The following TUBGCP3 variants were observed in gnomAD, a reference collection of about 807,000 sequenced individuals.
The protein encoded by TUBGCP3 is gamma-tubulin complex component 3.
In TUBGCP3, 50 loss-of-function variants were observed where a neutral mutation model predicts 123.1. That is an observed-to-expected ratio of 0.41 (90% CI 0.32 to 0.51). TUBGCP3 has a LOEUF of 0.51. TUBGCP3 is among the 20% of genes least tolerant of loss of function. TUBGCP3 has a pLI of 0.36. For synonymous variants in TUBGCP3, 405 were observed against 413.9 expected (o/e 0.98, Z 0.26); for missense variants, 882 against 1,127.0 (o/e 0.78, Z 3.11).
At chr13:112,535,807 G>C (rs6577089) in intron 11 of TUBGCP3, among the ~76,000 whole-genome samples, 66,662 of 152,042 alleles carry the variant, frequency 0.44, 18,850 homozygotes, top group African/African-American at 0.81. Context: ...TCTCACTGCT[G>C]GTGCTTTTGA....
chr13:112,532,599 G>A (rs1015908426), intron 11 of TUBGCP3, among the ~76,000 whole-genome samples: 3 of 152,100 alleles, frequency 2.0e-5, no homozygotes, highest in Non-Finnish European at 4.4e-5. Context: ...TTAAGTTTAT[G>A]GGGGAAGAAG....
chr13:112,488,093 C>T (rs1322224792), intron 21 of TUBGCP3, among the ~76,000 whole-genome samples: 1 of 147,058 alleles, frequency 6.8e-6, no homozygotes, highest in African/African-American at 2.6e-5. Flanking sequence ...GATCACACCA[C>T]TGCACTGCAG....
At chr13:112,513,577 G>A (rs1881816714) in intron 17 of TUBGCP3, among the ~76,000 whole-genome samples, 1 of 152,232 alleles carries the variant, frequency 6.6e-6, no homozygotes, top group African/African-American at 2.4e-5. Flanking sequence ...AGGCCCCGTG[G>A]CAGCTGTTGA....
chr13:112,540,592 C>T (rs1354287098), intron 11 of TUBGCP3, among the ~76,000 whole-genome samples: 1 of 139,660 alleles, frequency 7.2e-6, no homozygotes, highest in Non-Finnish European at 1.5e-5. Flanking sequence ...AATGTAGTAG[C>T]CTATGAGCAT....
At chr13:112,563,218 T>A (rs1880659987) in intron 3 of TUBGCP3, among the ~76,000 whole-genome samples, 1 of 152,174 alleles carries the variant, frequency 6.6e-6, no homozygotes, top group African/African-American at 2.4e-5. Flanking sequence ...CGACTGCACC[T>A]TTGACCTTTC....
chr13:112,599,114 C>A, the TUBGCP3 span, among the ~76,000 whole-genome samples: 1 of 152,052 alleles, frequency 6.6e-6, no homozygotes, highest in Non-Finnish European at 1.5e-5. Flanking sequence ...ACTAAATCCA[C>A]AGAGGTAAAG....
At chr13:112,509,377 C>G (rs899884955) in intron 17 of TUBGCP3, among the ~76,000 whole-genome samples, 1 of 152,178 alleles carries the variant, frequency 6.6e-6, no homozygotes, top group African/African-American at 2.4e-5. Flanking sequence ...TAAGTGGGCC[C>G]TCAATGATGA....
intron 1 of TUBGCP3, among the ~76,000 whole-genome samples, chr13:112,578,189 G>A (rs541496744): frequency 6.6e-6 from 1 of 151,806 alleles, no homozygotes; most frequent in East Asian, 1.9e-4. Flanking sequence ...TCCAGGACTC[G>A]TGGCTCTGGA....
At chr13:112,595,566 T>C in the TUBGCP3 span, among the ~76,000 whole-genome samples, 1 of 152,224 alleles carries the variant, frequency 6.6e-6, no homozygotes, top group Non-Finnish European at 1.5e-5. Flanking sequence ...TCTTAGCAAA[T>C]TGACCTTTAT....
intron 20 of TUBGCP3, among the ~76,000 whole-genome samples, chr13:112,495,078 T>C: frequency 6.6e-6 from 1 of 152,228 alleles, no homozygotes. Flanking sequence ...TTTGACCCCA[T>C]TTGTCCATTT....
chr13:112,529,092 A>G (rs1877362962), intron 11 of TUBGCP3, among the ~76,000 whole-genome samples: 1 of 152,168 alleles, frequency 6.6e-6, no homozygotes, highest in Non-Finnish European at 1.5e-5. Flanking sequence ...AGCTCAAGCG[A>G]TCTGCCTGCC....
chr13:112,495,945 A>T lies in TUBGCP3; in HGVS notation c.2448+3100T>A, dbSNP rs76479004. Among the ~76,000 whole-genome samples, 935 of 151,512 alleles carry T rather than the reference A, an allele frequency of 6.2e-3. 4 individuals carry two copies. Among genetic ancestry groups the T allele is most frequent in the African/African-American group, 0.022 (889 of 40,788 alleles). On this transcript the variant is annotated intron_variant, in intron 20 of 21. Coordinates refer to ENST00000261965, the MANE Select transcript of TUBGCP3 (RefSeq NM_006322.6). ...GAAAAATTTTTGGCAAAAAATTTTTAAAAATTATTAGAATAAAAGAAGAAA... is the reference window on the plus strand; with the variant it reads ...GAAAAATTTTTGGCAAAAAATTTTTTAAAATTATTAGAATAAAAGAAGAAA...
chr13:112,514,821 T>C (rs572049774), intron 17 of TUBGCP3, among the ~76,000 whole-genome samples: 12 of 152,322 alleles, frequency 7.9e-5, no homozygotes, highest in East Asian at 3.9e-4. Flanking sequence ...TTCAGAGGCA[T>C]ATAAAGTTGT....
chr13:112,536,233 G>T (rs1878047176), intron 11 of TUBGCP3, among the ~76,000 whole-genome samples: 1 of 152,228 alleles, frequency 6.6e-6, no homozygotes, highest in South Asian at 2.1e-4. Context: ...AGGGCCCCTT[G>T]TACTTCCCTG....
At chr13:112,542,519 CT>C (rs1423535393) in intron 11 of TUBGCP3, among the ~76,000 whole-genome samples, 1 of 152,158 alleles carries the variant, frequency 6.6e-6, no homozygotes, top group African/African-American at 2.4e-5. Context: ...AAGTCTAGAA[CT>C]TTAAGTCAAT....
intron 19 of TUBGCP3, among the ~76,000 whole-genome samples, chr13:112,501,047 T>C (rs144672520): frequency 1.3e-5 from 2 of 152,336 alleles, no homozygotes; most frequent in East Asian, 3.9e-4. Flanking sequence ...ACAATGCACT[T>C]ATGCAACCAG....
At chr13:112,554,415 G>A (rs1879853151) in intron 7 of TUBGCP3, among the ~76,000 whole-genome samples, 1 of 152,212 alleles carries the variant, frequency 6.6e-6, no homozygotes, top group South Asian at 2.1e-4. Flanking sequence ...CAGTTGGCCT[G>A]CGGTGTGGCA....
chr13:112,522,266 T>C (rs2139069898), intron 14 of TUBGCP3, 54 bp downstream of exon 14: 1 of 1,315,596 alleles, frequency 7.6e-7, no homozygotes, highest in Non-Finnish European at 1.0e-6. Context: ...AATACAAGAT[T>C]CCTTATCATG....
chr13:112,522,022 G>T (rs2317448), intron 14 of TUBGCP3, among the ~76,000 whole-genome samples: 78,024 of 152,030 alleles, frequency 0.51, 23,124 homozygotes, highest in African/African-American at 0.83. Flanking sequence ...CTAAAGTTAA[G>T]TGTGATTTGA....
Sources: allele counts gnomAD v4.1 joint callset (sites outside exome capture counted in the v4.1 genomes callset), GRCh38; gene constraint gnomAD v4.1.1; transcripts MANE v1.5; gene names NCBI Gene and HGNC (gene_info 2026-07-23, HGNC 2026-07-21).